The following ST7 variants were observed in gnomAD, a reference collection of about 807,000 sequenced individuals.
ST7 encodes the protein suppression of tumorigenicity 7.
In ST7, 28 loss-of-function variants were observed where a neutral mutation model predicts 78.7. The observed-to-expected ratio is 0.36, with a 90% CI of 0.26 to 0.49. ST7 has a LOEUF of 0.49. Among genes scored for constraint, ST7 ranks in the 20% least tolerant of loss-of-function variants. The probability of loss-of-function intolerance (pLI) is 0.99; values close to 1 mark genes in which losing one functional copy is unlikely to be tolerated. For missense variants in ST7, 418 were observed against 696.0 expected (o/e 0.60, Z 4.49); for synonymous variants, 247 against 249.6 (o/e 0.99, Z 0.10).
At position 116,953,605 on chromosome 7, in the gene ST7, A is replaced by G; in HGVS notation, c.65A>G (p.Tyr22Cys). 1 of 1,508,118 alleles carries G rather than the reference A, an allele frequency of 6.6e-7. No homozygotes were observed. The allele number at this position is 1,508,118 out of a possible 1,614,324, so 93.4% of individuals were successfully genotyped here. A position where few individuals can be genotyped will look rare whatever the true frequency, so the allele number is the denominator to read the frequency against. The change falls in exon 1 of 16, where the codon TAT becomes TGT. Residue 22 changes from tyrosine (Y) to cysteine (C), a missense_variant. This residue lies in a region of ST7 where 71 missense variants were observed against 61.5 expected (regional missense o/e 1.16). Transcript: ENST00000323984. ...TCCTGCATAGTTTGGTCTTGGACGT[A>G]TCTGTGGACCGTGTGGTTCTTCATC... ...LKSCIVWSWT[Y>C]LWTVWFFIVL...
At chr7:117,199,070 A>AG (rs1034961072) in intron 12 of ST7, 1 of 152,006 alleles carries the variant, frequency 6.6e-6, no homozygotes, top group African/African-American at 2.4e-5. Flanking sequence ...CTTCATTCCC[A>AG]GGGGTACTTC....
chr7:117,161,724 C>T (rs1807173225), intron 9 of ST7, among the ~76,000 whole-genome samples: 1 of 151,734 alleles, frequency 6.6e-6, no homozygotes, highest in Non-Finnish European at 1.5e-5. Flanking sequence ...CTCAGCCTCC[C>T]AAGTAGCTGG....
intron 1 of ST7, among the ~76,000 whole-genome samples, chr7:117,069,407 T>C (rs561352201): frequency 2.3e-4 from 35 of 152,248 alleles, no homozygotes; most frequent in Non-Finnish European, 3.7e-4. Context: ...CAGTATAACT[T>C]AAGTTTTCTG....
rs1278924099 is a variant in ST7 at position 117,201,961 on chromosome 7, C to CTT, written c.1255-7810_1255-7809dup. On this transcript the variant is annotated intron_variant, in intron 12 of 15. Coordinates refer to ENST00000323984, the MANE Select transcript of ST7 (RefSeq NM_001369598.1). ...CCTCTCCCTCCTTGCTCGAAGCTAT[C>CTT]TTTTTTTTTTTTTTTTTGAGACGGA... 1.1e-3 allele frequency among the ~76,000 whole-genome samples: 81 copies of CTT among 70,968 alleles called. 20 individuals carry two copies. The highest frequency in any genetic ancestry group is 4.5e-3 in the African/African-American group (81 of 17,986). 46.6% of individuals were successfully genotyped at this position (70,968 alleles called of 152,430 possible). A position where few individuals can be genotyped will look rare whatever the true frequency, so the allele number is the denominator to read the frequency against.
chr7:117,108,837 T>A (rs904335089), intron 2 of ST7, among the ~76,000 whole-genome samples: 2 of 152,164 alleles, frequency 1.3e-5, no homozygotes, highest in Non-Finnish European at 2.9e-5. Context: ...CTAAGTATTT[T>A]TTTATTTTTT....
chr7:116,987,463 C>G (rs972645028), intron 1 of ST7, among the ~76,000 whole-genome samples: 2 of 152,202 alleles, frequency 1.3e-5, no homozygotes, highest in African/African-American at 4.8e-5. Context: ...TGCCTAGTCC[C>G]AGATTCTTGT....
At chr7:117,202,727 A>G (rs1248028112) in intron 12 of ST7, among the ~76,000 whole-genome samples, 2 of 152,110 alleles carry the variant, frequency 1.3e-5, no homozygotes, top group Non-Finnish European at 2.9e-5. Flanking sequence ...TGCACAACTC[A>G]CTTCCCAATT....
At chr7:117,148,003 C>T (rs1805946325) in intron 9 of ST7, among the ~76,000 whole-genome samples, 1 of 151,892 alleles carries the variant, frequency 6.6e-6, no homozygotes, top group African/African-American at 2.4e-5. Context: ...GAATATAATC[C>T]CTGTTGGGTA....
chr7:117,153,305 A>G (rs1158197786), intron 9 of ST7, among the ~76,000 whole-genome samples: 6 of 152,106 alleles, frequency 3.9e-5, no homozygotes, highest in African/African-American at 1.4e-4. Flanking sequence ...ATCCAAATGG[A>G]AATATTTAGA....
At chr7:117,037,006 C>T (rs927015549) in intron 1 of ST7, among the ~76,000 whole-genome samples, 1 of 152,138 alleles carries the variant, frequency 6.6e-6, no homozygotes, top group Non-Finnish European at 1.5e-5. Flanking sequence ...TAAAAAGCCA[C>T]AGGTTGGACC....
intron 1 of ST7, among the ~76,000 whole-genome samples, chr7:117,083,251 A>T (rs995918656): frequency 2.6e-5 from 4 of 151,416 alleles, no homozygotes; most frequent in African/African-American, 9.7e-5. Flanking sequence ...ACATATATAT[A>T]TTTTTGTTTG....
At chr7:117,215,635 C>T (rs1173674146) in intron 13 of ST7, among the ~76,000 whole-genome samples, 1 of 152,224 alleles carries the variant, frequency 6.6e-6, no homozygotes, top group African/African-American at 2.4e-5. Flanking sequence ...TGAGCCTAGG[C>T]AGGTCCTGCT....
At chr7:117,044,348 C>T (rs779262690) in intron 1 of ST7, among the ~76,000 whole-genome samples, 3 of 152,132 alleles carry the variant, frequency 2.0e-5, no homozygotes, top group Non-Finnish European at 4.4e-5. Context: ...CTTCTAGGTG[C>T]TTTGTATATT....
intron 1 of ST7, among the ~76,000 whole-genome samples, chr7:117,027,503 A>AAAGTAAAGTAAAGTAAAGTAAAGT (rs1436869462): frequency 6.7e-6 from 1 of 149,576 alleles, no homozygotes; most frequent in Non-Finnish European, 1.5e-5. Context: ...TAAAGTAAGT[A>AAAGTAAAGTAAAGTAAAGTAAAGT]AAGTAAAAAG....
intron 1 of ST7, among the ~76,000 whole-genome samples, chr7:116,960,620 A>G (rs1353435930): frequency 2.6e-5 from 4 of 152,116 alleles, no homozygotes; most frequent in African/African-American, 7.2e-5. Flanking sequence ...CTCACAGACA[A>G]TTTTTTTCCA....
Position 117,105,428 on chromosome 7 carries a change from G to A in ST7, c.234+5584G>A, listed in dbSNP as rs187756259. Among the ~76,000 whole-genome samples the A allele has an allele frequency of 2.2e-4, 34 of 152,162 alleles. No individual in the cohort carries two copies. In the South Asian group the frequency reaches 4.4e-3, roughly 19 times the overall value. On this transcript the variant is annotated intron_variant, in intron 2 of 15. Coordinates refer to ENST00000323984, the MANE Select transcript of ST7 (RefSeq NM_001369598.1). Reference sequence around the variant, plus strand: ...CCCAAGTAGCTGGGACCACAGGTGCGTGCCATCATGTCTGGCTAATTTTTA... The same window carrying A: ...CCCAAGTAGCTGGGACCACAGGTGCATGCCATCATGTCTGGCTAATTTTTA...
intron 12 of ST7, among the ~76,000 whole-genome samples, chr7:117,194,245 C>T (rs962303715): frequency 2.6e-5 from 4 of 152,190 alleles, no homozygotes; most frequent in Non-Finnish European, 4.4e-5. Context: ...CCGCCAGCTC[C>T]CATAGGAAAA....
chr7:117,187,563 C>T (rs1360150353), intron 10 of ST7: 1 of 152,158 alleles, frequency 6.6e-6, no homozygotes, highest in Non-Finnish European at 1.5e-5. Flanking sequence ...CATCTCTAGT[C>T]ATTTGCTGGA....
intron 5 of ST7, among the ~76,000 whole-genome samples, chr7:117,131,041 A>G (rs1804305716): frequency 6.6e-6 from 1 of 151,778 alleles, no homozygotes. Context: ...GAATGGGGTC[A>G]TGGCCTTGGC....
Sources: gnomAD v4.1 joint callset for allele counts (sites outside exome capture counted in the v4.1 genomes callset) on GRCh38, gnomAD v4.1.1 for gene constraint, gnomAD v4.1.1 regional missense constraint, MANE v1.5 for transcripts, NCBI Gene and HGNC (gene_info 2026-07-23, HGNC 2026-07-21) for gene names.